The following DCBLD2 variants were observed in gnomAD, a reference collection of about 807,000 sequenced individuals.
DCBLD2 encodes the protein discoidin, CUB and LCCL domain-containing protein 2.
Under a neutral mutation model 86.8 loss-of-function variants are expected in DCBLD2, and 54 were observed. The ratio of observed to expected loss-of-function variants is 0.62; its 90% CI spans 0.50 to 0.78. The LOEUF (loss-of-function observed/expected upper bound fraction) is 0.78, where lower values mean the gene tolerates loss of function less well. Ranked by LOEUF, DCBLD2 falls within the 30% of genes least tolerant of loss-of-function variation. DCBLD2 has a pLI of 0.00. For missense variants in DCBLD2, 908 were observed against 954.2 expected (o/e 0.95, Z 0.64); for synonymous variants, 354 against 341.3 (o/e 1.04, Z -0.41).
chr3:98,857,210 G>A (rs2107492838), intron 2 of DCBLD2, among the ~76,000 whole-genome samples: 1 of 152,292 alleles, frequency 6.6e-6, no homozygotes, highest in East Asian at 1.9e-4. Flanking sequence ...TGGGTTCGTG[G>A]TCTCGCTGGC....
rs186164278 is a variant in DCBLD2 at position 98,901,188 on chromosome 3, T to A, written c.139A>T (p.Met47Leu). ...PPCSNSSSFS[M>L]PLFLLLLLVL... ...AGTAAGAGCAGGAGGAACAGAGGCA[T>A]GGAGAAGGAGGAGGAGTTGGAGCAG... is the stretch of plus-strand genomic sequence containing the variant. The change falls in exon 1 of 16, where the codon ATG becomes TTG. Residue 47 changes from methionine to leucine, a missense_variant. Around this residue, in one of 3 missense-constraint regions of DCBLD2, gnomAD observed 294 missense variants for 256.0 expected, o/e 1.15. Transcript: ENST00000326840. 10 of 1,536,964 alleles carry A rather than the reference T, an allele frequency of 6.5e-6. No homozygotes were observed. Among genetic ancestry groups the A allele is most frequent in the Non-Finnish European group, 8.7e-6 (10 of 1,146,520 alleles).
intron 10 of DCBLD2, 28 bp downstream of exon 10, chr3:98,812,304 A>G: frequency 6.2e-7 from 1 of 1,609,880 alleles, no homozygotes; most frequent in Non-Finnish European, 8.5e-7. Context: ...TCCAGTAAAA[A>G]CATATCTTAA....
chr3:98,870,773 G>GAA (rs1191250762), intron 2 of DCBLD2, among the ~76,000 whole-genome samples: 3 of 148,738 alleles, frequency 2.0e-5, no homozygotes, highest in African/African-American at 5.0e-5. Flanking sequence ...AAGAAAGAAA[G>GAA]AAAGAAAGAA....
Position 98,869,687 on chromosome 3 carries a change from T to C in DCBLD2, c.433+11853A>G, listed in dbSNP as rs151010610. Among the ~76,000 whole-genome samples the C allele has an allele frequency of 2.0e-4, 30 of 152,328 alleles. No homozygotes were observed. In the East Asian group the frequency reaches 5.4e-3, roughly 27 times the overall value. ...ATCTGACTGATAGTCAATGTGAAAA[T>C]AAAATATAAAAACTGTTCTTGGAGT... is the stretch of plus-strand genomic sequence containing the variant. On this transcript the variant is annotated intron_variant, in intron 2 of 15. Transcript: ENST00000326840.
At chr3:98,858,412 A>G (rs1314958913) in intron 2 of DCBLD2, among the ~76,000 whole-genome samples, 3 of 152,238 alleles carry the variant, frequency 2.0e-5, no homozygotes, top group Admixed American at 1.3e-4. Context: ...AAGTGCTGCC[A>G]AAGTGGGAGC....
In DCBLD2 at chr3:98,839,171, C is replaced by CTTT. The variant is rs1339367166; in HGVS notation, c.571+10289_571+10290insAAA. Among the ~76,000 whole-genome samples, 306 of 48,264 alleles carry CTTT rather than the reference C, an allele frequency of 6.3e-3. 3 individuals are homozygous for CTTT. The highest frequency in any genetic ancestry group is 0.025 in the South Asian group (25 of 1,016). The allele number at this position is 48,264 out of a possible 152,430, so 31.7% of individuals were successfully genotyped here. On this transcript the variant is annotated intron_variant, in intron 3 of 15. Transcript: ENST00000326840. ...TCTTTCTTTCTTTCTTTCTTTCTTT[C>CTTT]CTTTCTTTCTTCCTTCCTTCCTTCC...
chr3:98,901,244 G>A lies in DCBLD2; in HGVS notation c.83C>T (p.Ala28Val). The A allele has an allele frequency of 1.3e-6, 2 of 1,534,098 alleles. No individual in the cohort carries two copies. Among genetic ancestry groups the A allele is most frequent in the Non-Finnish European group, 1.7e-6 (2 of 1,146,266 alleles). ...VRAAAAAPAWAALPLSRSLPP... is the reference protein window; with the variant it reads ...VRAAAAAPAWVALPLSRSLPP... ...GAGGGAGCGGGAGAGGGGGAGCGCGGCCCAGGCGGGGGCGGCGGCCGCGGC... is the reference window on the plus strand; with the variant it reads ...GAGGGAGCGGGAGAGGGGGAGCGCGACCCAGGCGGGGGCGGCGGCCGCGGC... Residue 28 changes from alanine to valine, a missense_variant, in exon 1 of 16, where the codon GCC becomes GTC. Transcript: ENST00000326840.
At chr3:98,806,771 C>A (rs1941847568) in intron 13 of DCBLD2, among the ~76,000 whole-genome samples, 1 of 152,194 alleles carries the variant, frequency 6.6e-6, no homozygotes, top group Admixed American at 6.5e-5. Flanking sequence ...TATCTCAACT[C>A]ATGACACCTC....
chr3:98,901,089 TC>T (rs766846305), intron 1 of DCBLD2, 32 bp downstream of exon 1: 6 of 1,536,914 alleles, frequency 3.9e-6, no homozygotes, highest in Middle Eastern at 4.0e-4. Context: ...CGACGGAGGT[TC>T]CCCCGCCGCT....
At chr3:98,806,065 G>A (rs889822756) in intron 13 of DCBLD2, among the ~76,000 whole-genome samples, 6 of 152,072 alleles carry the variant, frequency 3.9e-5, no homozygotes, top group South Asian at 2.1e-4. Context: ...TCTGTAAAAC[G>A]GGGCTTATTA....
At chr3:98,891,617 A>C (rs911060109) in intron 1 of DCBLD2, among the ~76,000 whole-genome samples, 2 of 152,118 alleles carry the variant, frequency 1.3e-5, no homozygotes, top group Non-Finnish European at 2.9e-5. Context: ...CAAATGCTTC[A>C]GCCAGGATAC....
intron 3 of DCBLD2, among the ~76,000 whole-genome samples, chr3:98,845,758 AC>A (rs1942709883): frequency 6.6e-6 from 1 of 151,962 alleles, no homozygotes; most frequent in Admixed American, 6.6e-5. Flanking sequence ...TACTTCAGCT[AC>A]TCTGCTTTCT....
At chr3:98,803,760 G>T (rs1941774704) in intron 13 of DCBLD2, among the ~76,000 whole-genome samples, 1 of 152,170 alleles carries the variant, frequency 6.6e-6, no homozygotes, top group Non-Finnish European at 1.5e-5. Context: ...ATGAAGGGTT[G>T]TTGAATTTTG....
In DCBLD2 at chr3:98,819,207, AT is replaced by A. The variant is rs747376783; in HGVS notation, c.1081del (p.Ile361Ter). The A allele has an allele frequency of 5.1e-6, 8 of 1,560,324 alleles. No homozygotes were observed. On this transcript the variant is annotated frameshift_variant, in exon 8 of 16. Transcript: ENST00000326840. LOFTEE classifies it high-confidence loss of function. ...GAAAATTTTTGTCTCTTAACCTGTT[AT>A]TTTCTTTTCCTTATTCAAATCTATT... Reference protein sequence around the residue: ...LQIDLNKEKKITGIITTGSTM... With the variant: ...LQIDLNKEKKXTGIITTGSTM...
intron 5 of DCBLD2, among the ~76,000 whole-genome samples, 153 bp from the exon 6 acceptor site, chr3:98,822,514 T>C (rs1203834054): frequency 2.6e-5 from 4 of 152,184 alleles, no homozygotes; most frequent in Non-Finnish European, 5.9e-5. Context: ...ACACAACAGT[T>C]TTAGCAGAAG....
At chr3:98,803,268 C>T (rs1234385142) in intron 13 of DCBLD2, among the ~76,000 whole-genome samples, 1 of 152,134 alleles carries the variant, frequency 6.6e-6, no homozygotes, top group Non-Finnish European at 1.5e-5. Context: ...CTTCACATCC[C>T]TTGTAAGTTG....
intron 12 of DCBLD2, 45 bp from the exon 13 acceptor site, chr3:98,808,219 C>T: frequency 6.7e-7 from 1 of 1,494,388 alleles, no homozygotes; most frequent in East Asian, 2.4e-5. Context: ...GCCATATTAA[C>T]ACCAAAGGCA....
chr3:98,874,173 T>A (rs562970065), intron 2 of DCBLD2, among the ~76,000 whole-genome samples: 28 of 152,194 alleles, frequency 1.8e-4, no homozygotes, highest in Admixed American at 1.3e-4. Context: ...ACTAGATTGT[T>A]CAAATTCTCT....
Position 98,811,308 on chromosome 3 carries a change from T to C in DCBLD2, c.1462A>G (p.Lys488Glu), listed in dbSNP as rs1941934776. 4 of 1,612,136 alleles carry C rather than the reference T, an allele frequency of 2.5e-6. No homozygotes were observed. Among genetic ancestry groups the C allele is most frequent in the South Asian group, 2.2e-5 (2 of 90,694 alleles). The change falls in exon 12 of 16, where the codon AAA becomes GAA. Residue 488 changes from lysine to glutamate, a missense_variant. Transcript: ENST00000326840. ...CGAGGTTGTAGTGGTTGCGTAAATT[T>C]TGGGGCACGACCTTTAAAAAAGTTT... ...PPKIAKGRAP[K>E]FTQPLQPRSS...
Sources: gnomAD v4.1 joint callset for allele counts (sites outside exome capture counted in the v4.1 genomes callset) on GRCh38, gnomAD v4.1.1 for gene constraint, gnomAD v4.1.1 regional missense constraint, MANE v1.5 for transcripts, NCBI Gene and HGNC (gene_info 2026-07-23, HGNC 2026-07-21) for gene names.